The following CAMTA1 variants were observed in gnomAD, a reference collection of about 807,000 sequenced individuals.
CAMTA1 encodes calmodulin-binding transcription activator 1.
A neutral mutation model predicts 170.9 loss-of-function variants in CAMTA1; 27 were observed. The ratio of observed to expected loss-of-function variants is 0.16; its 90% CI spans 0.12 to 0.22. The LOEUF (loss-of-function observed/expected upper bound fraction) is 0.22, where lower values mean the gene tolerates loss of function less well. Among genes scored for constraint, CAMTA1 ranks in the 10% least tolerant of loss-of-function variants. CAMTA1 has a pLI of 1.00. For synonymous variants in CAMTA1, 833 were observed against 891.5 expected, an observed-to-expected ratio of 0.93 and a Z score of 1.17; for missense variants, 1,619 against 2,217.2, an observed-to-expected ratio of 0.73 and a Z score of 5.42.
intron 1 of CAMTA1, among the ~76,000 whole-genome samples, chr1:6,786,970 A>AG (rs1446982213): frequency 6.6e-6 from 1 of 152,132 alleles, no homozygotes; most frequent in Non-Finnish European, 1.5e-5. Context: ...CACTGGGAAA[A>AG]GGGTCATGTG....
At chr1:7,513,750 T>C (rs1248487276) in intron 6 of CAMTA1, among the ~76,000 whole-genome samples, 1 of 152,066 alleles carries the variant, frequency 6.6e-6, no homozygotes, top group Non-Finnish European at 1.5e-5. Context: ...TGGAGAAACC[T>C]CATCTCTACT....
chr1:6,945,861 T>A (rs893213932), intron 3 of CAMTA1, among the ~76,000 whole-genome samples: 1 of 152,236 alleles, frequency 6.6e-6, no homozygotes, highest in African/African-American at 2.4e-5. Context: ...CTGGATAACA[T>A]CCTGTTGTAT....
At position 7,499,031 on chromosome 1, in the gene CAMTA1, TGTAG is replaced by T. The variant is rs1308786228; in HGVS notation, c.510+31131_510+31134del. ...GTGCATGTGTGTCCATGAGTGAGTG[TGTAG>T]AGAGGATTGTGTGAGCCTGGTGTGC... On this transcript the variant is annotated intron_variant, in intron 6 of 22. Transcript: ENST00000303635. Among the ~76,000 whole-genome samples, 42 of 126,572 alleles carry T rather than the reference TGTAG, an allele frequency of 3.3e-4. 3 individuals are homozygous for T. The highest frequency in any genetic ancestry group is 5.8e-4 in the African/African-American group (18 of 30,876). 83.0% of individuals were successfully genotyped at this position (126,572 alleles called of 152,430 possible). A position where few individuals can be genotyped will look rare whatever the true frequency, so the allele number is the denominator to read the frequency against.
At chr1:7,553,850 A>G (rs1230746428) in intron 6 of CAMTA1, among the ~76,000 whole-genome samples, 3 of 152,232 alleles carry the variant, frequency 2.0e-5, no homozygotes, top group African/African-American at 4.8e-5. Flanking sequence ...GAACAGCCAC[A>G]TGATGCAGGG....
At chr1:7,440,055 G>A (rs17030847) in intron 5 of CAMTA1, among the ~76,000 whole-genome samples, 10,100 of 152,318 alleles carry the variant, frequency 0.066, 570 homozygotes, top group East Asian at 0.25. Context: ...GCGGGTACCC[G>A]CACTGGGCAT....
chr1:7,531,524 C>T (rs924197466), intron 6 of CAMTA1, among the ~76,000 whole-genome samples: 1 of 152,188 alleles, frequency 6.6e-6, no homozygotes, highest in Non-Finnish European at 1.5e-5. Flanking sequence ...GGAGAGGAAC[C>T]CCAAGTCCAG....
At chr1:6,952,292 A>T (rs1301242044) in intron 3 of CAMTA1, among the ~76,000 whole-genome samples, 2 of 151,344 alleles carry the variant, frequency 1.3e-5, no homozygotes. Flanking sequence ...TTAGCCAGGC[A>T]TGGTGGCGGG....
chr1:7,220,203 G>A (rs766953620), intron 4 of CAMTA1, among the ~76,000 whole-genome samples: 29 of 152,240 alleles, frequency 1.9e-4, no homozygotes, highest in Non-Finnish European at 3.4e-4. Flanking sequence ...CTGACTCATT[G>A]CAGGGGGTCA....
At chr1:7,396,451 T>A (rs1025329274) in intron 5 of CAMTA1, among the ~76,000 whole-genome samples, 2 of 152,246 alleles carry the variant, frequency 1.3e-5, no homozygotes, top group Non-Finnish European at 2.9e-5. Flanking sequence ...ACAGGAACAA[T>A]GTGAGTTTGT....
intron 3 of CAMTA1, among the ~76,000 whole-genome samples, chr1:6,962,782 A>C (rs1572062893): frequency 1.3e-4 from 16 of 123,410 alleles, no homozygotes; most frequent in South Asian, 5.5e-4. Context: ...CTCTGGACCC[A>C]CCCCTCTTTT....
At chr1:6,979,848 A>C (rs887663262) in intron 3 of CAMTA1, among the ~76,000 whole-genome samples, 3 of 151,448 alleles carry the variant, frequency 2.0e-5, no homozygotes, top group African/African-American at 7.3e-5. Context: ...ATGGTGGTGT[A>C]GCTGGGGGAG....
chr1:7,602,772 T>C (rs1328917670), intron 6 of CAMTA1, among the ~76,000 whole-genome samples: 4 of 152,374 alleles, frequency 2.6e-5, no homozygotes, highest in African/African-American at 9.6e-5. Flanking sequence ...AGATCTTTCC[T>C]GCTTTCTCTT....
rs2095961194 is a variant in CAMTA1, at chr1:7,661,886, G to A, written c.805+20G>A. 1.3e-6 allele frequency: 2 copies of A among 1,586,380 alleles called. No individual in the cohort carries two copies. The highest frequency in any genetic ancestry group is 1.7e-6 in the Non-Finnish European group (2 of 1,166,378). On this transcript the variant is annotated intron_variant, in intron 8 of 22. Transcript: ENST00000303635. ...GCCTGGGTGAGCCGGGGCTCCCGGGGCAGGCGGGCGCCACGGGGACAGAGG... is the reference window on the plus strand; with the variant it reads ...GCCTGGGTGAGCCGGGGCTCCCGGGACAGGCGGGCGCCACGGGGACAGAGG...
chr1:6,969,707 C>T (rs563059067), intron 3 of CAMTA1, among the ~76,000 whole-genome samples: 1 of 152,322 alleles, frequency 6.6e-6, no homozygotes, highest in East Asian at 1.9e-4. Flanking sequence ...GTTTATTGGC[C>T]TTCAAAGCCA....
chr1:7,666,789 C>T (rs192657211), intron 9 of CAMTA1, among the ~76,000 whole-genome samples: 3 of 152,312 alleles, frequency 2.0e-5, no homozygotes, highest in East Asian at 1.9e-4. Context: ...CTCCCATCCC[C>T]GATAGGAAGA....
intron 3 of CAMTA1, among the ~76,000 whole-genome samples, chr1:6,940,943 G>C (rs200890453): frequency 0.081 from 106 of 1,314 alleles, no homozygotes; most frequent in East Asian, 0.21. Context: ...GGGATCCTCA[G>C]GGGGAGGGGG....
At chr1:6,884,316 A>G (rs1040647849) in intron 3 of CAMTA1, among the ~76,000 whole-genome samples, 177 of 148,110 alleles carry the variant, frequency 1.2e-3, no homozygotes, top group Non-Finnish European at 2.1e-3. Flanking sequence ...ACACACACAC[A>G]CACACACACA....
At chr1:7,410,407 G>A (rs1196731100) in intron 5 of CAMTA1, among the ~76,000 whole-genome samples, 2 of 152,192 alleles carry the variant, frequency 1.3e-5, no homozygotes, top group African/African-American at 4.8e-5. Flanking sequence ...GGCCCCTCCC[G>A]CCTGTCGTCA....
chr1:7,668,431 A>ACACACACC (rs1553241621), intron 9 of CAMTA1, among the ~76,000 whole-genome samples: 1 of 123,162 alleles, frequency 8.1e-6, no homozygotes, highest in East Asian at 3.8e-4. Flanking sequence ...ACACACACAC[A>ACACACACC]CCCACCACAC....
Sources: gnomAD v4.1 joint callset for allele counts (sites outside exome capture counted in the v4.1 genomes callset) on GRCh38, gnomAD v4.1.1 for gene constraint, MANE v1.5 for transcripts, NCBI Gene and HGNC (gene_info 2026-07-23, HGNC 2026-07-21) for gene names.